The following ZNF219 variants were observed in gnomAD, a reference collection of about 807,000 sequenced individuals.
ZNF219 encodes the protein zinc finger protein 219.
In ZNF219, 17 loss-of-function variants were observed where a neutral mutation model predicts 54.4. That is an observed-to-expected ratio of 0.31 (90% CI 0.21 to 0.47). The LOEUF (loss-of-function observed/expected upper bound fraction) is 0.47, where lower values mean the gene tolerates loss of function less well. Among genes scored for constraint, ZNF219 ranks in the 20% least tolerant of loss-of-function variants. The pLI is 1.00. For missense variants in ZNF219, 1,014 were observed against 1,062.3 expected, an observed-to-expected ratio of 0.95 and a Z score of 0.63; for synonymous variants, 518 against 476.4, an observed-to-expected ratio of 1.09 and a Z score of -1.14.
chr14:21,098,834 C>G, upstream of ZNF219: 1 of 1,288,206 alleles, frequency 7.8e-7, no homozygotes, highest in Non-Finnish European at 1.0e-6. Flanking sequence ...GGCTCTGCCG[C>G]TCTTTCTGCC....
chr14:21,103,493 C>G (rs937424325), upstream of ZNF219: 3 of 574,858 alleles, frequency 5.2e-6, no homozygotes, highest in Non-Finnish European at 8.8e-6. Flanking sequence ...CTGTCACCTC[C>G]CCATACAGCT....
intron 1 of ZNF219, chr14:21,093,919 A>G (rs1889126458): frequency 2.2e-6 from 1 of 454,468 alleles, no homozygotes; most frequent in Admixed American, 3.4e-5. Context: ...ATGGTCCAGA[A>G]CAACCACAGC....
chr14:21,093,906 T>C (rs537554593), intron 1 of ZNF219: 4 of 488,644 alleles, frequency 8.2e-6, no homozygotes, highest in Admixed American at 6.6e-5. Context: ...ATATTTTAAA[T>C]GCATGGTCCA....
In ZNF219 at chr14:21,098,365, GCGGCGGGC is replaced by G; in HGVS notation, c.-145_-138del. 1 of 433,284 alleles carries G rather than the reference GCGGCGGGC, an allele frequency of 2.3e-6. No individual in the cohort carries two copies. The highest frequency in any genetic ancestry group is 3.0e-6 in the Non-Finnish European group (1 of 329,720). 26.8% of individuals were successfully genotyped at this position (433,284 alleles called of 1,614,324 possible). A position where few individuals can be genotyped will look rare whatever the true frequency, so the allele number is the denominator to read the frequency against. ...GCGGCGGCGGCGGCGGCGGCGGCGG[GCGGCGGGC>G]CGGCGGCGCGGGCGTCAGCGTTACG... On this transcript the variant is annotated 5_prime_UTR_variant, in exon 1 of 5. It removes the in-frame stop codon of an upstream open reading frame in the 5' UTR. Transcript: ENST00000360947.
At chr14:21,103,641 T>G (rs1889792879), upstream of ZNF219, 1 of 189,790 alleles carries the variant, frequency 5.3e-6, no homozygotes, top group African/African-American at 2.4e-5. Flanking sequence ...CCATCTCCTT[T>G]CTACTGTAGC....
chr14:21,103,050 A>G (rs919557252), upstream of ZNF219: 9 of 1,542,986 alleles, frequency 5.8e-6, no homozygotes, highest in Non-Finnish European at 7.9e-6. Context: ...AACAGGATAG[A>G]AAATTGGGCA....
chr14:21,090,775 C>T lies in ZNF219; in HGVS notation c.1930G>A (p.Ala644Thr). The T allele has an allele frequency of 6.3e-7, 1 of 1,599,590 alleles. No homozygotes were observed. Among genetic ancestry groups the T allele is most frequent in the Non-Finnish European group, 8.5e-7 (1 of 1,173,990 alleles). ...GPGGEAGPGGALHRCLFCPFA... is the reference protein window; with the variant it reads ...GPGGEAGPGGTLHRCLFCPFA... ...GGGCAGAAGAGGCAGCGGTGGAGGG[C>T]ACCCCCAGGCCCGGCCTCGCCTCCC... Residue 644 changes from alanine (A) to threonine (T), a missense_variant, in exon 5 of 5, where the codon GCC (alanine) becomes ACC (threonine). This residue lies in a region of ZNF219 where 281 missense variants were observed against 271.2 expected (regional missense o/e 1.04). Transcript: ENST00000360947. This position sits in a 1 kb window ranked among gnomAD's most constrained non-coding sequence, Gnocchi z 4.4.
At chr14:21,102,560 G>A (rs2139353199), upstream of ZNF219, 1 of 1,551,622 alleles carries the variant, frequency 6.4e-7, no homozygotes, top group African/African-American at 1.4e-5. Flanking sequence ...GGAGGCAAGA[G>A]GAGGTGGGAA....
upstream of ZNF219, chr14:21,103,467 T>C: frequency 1.4e-6 from 1 of 702,252 alleles, no homozygotes. Context: ...CTCCCTTGCA[T>C]CCATATCCTC....
In ZNF219 at chr14:21,092,918, C is replaced by T; in HGVS notation, c.379G>A (p.Ala127Thr). 1 of 1,560,494 alleles carries T rather than the reference C, an allele frequency of 6.4e-7. No homozygotes were observed. The highest frequency in any genetic ancestry group is 8.7e-7 in the Non-Finnish European group (1 of 1,154,942). ...CCCAGTCGGGCCTCGCGTAGTAGCG[C>T]GCGCTCTTCCAACTCCAGCAACAGG... ...ARLLLELEER[A>T]LLREARLGRA... The change falls in exon 3 of 5, where the codon GCG becomes ACG. Residue 127 changes from alanine (A) to threonine (T), a missense_variant. Ala to Thr is a moderately conservative substitution (Grantham distance 58). Coordinates refer to ENST00000360947, the MANE Select transcript of ZNF219 (RefSeq NM_016423.3).
chr14:21,099,384 A>G (rs1021495687), upstream of ZNF219, among the ~76,000 whole-genome samples: 10 of 152,210 alleles, frequency 6.6e-5, no homozygotes, highest in African/African-American at 2.2e-4. Context: ...TGCAAGCCCA[A>G]CATCTCACAT....
chr14:21,090,608 A>C lies in ZNF219; in HGVS notation c.2097T>G (p.Pro699=), dbSNP rs1888759780. ...RVPSGETPPS[P]SQEGEEGSGL... ...CGGAGCCCTCCTCCCCTTCCTGCGAAGGACTGGGAGGGGTCTCTCCTGATG... is the reference window on the plus strand; with the variant it reads ...CGGAGCCCTCCTCCCCTTCCTGCGACGGACTGGGAGGGGTCTCTCCTGATG... The change falls in exon 5 of 5, where the codon CCT becomes CCG. Residue 699 remains proline (P), a synonymous_variant. Transcript: ENST00000360947. The surrounding 1 kb of genome is among the most constrained non-coding windows in gnomAD (Gnocchi z 4.4). The C allele has an allele frequency of 6.2e-7, 1 of 1,610,702 alleles. No individual in the cohort carries two copies.
rs569399756 is a variant in ZNF219 at position 21,091,011 on chromosome 14, G to A, written c.1694C>T (p.Pro565Leu). Residue 565 changes from proline to leucine, a missense_variant, in exon 5 of 5, where the codon CCG becomes CTG. Physicochemically the swap from Pro to Leu is moderately conservative, Grantham distance 98. This residue lies in a region of ZNF219 where 281 missense variants were observed against 271.2 expected (regional missense o/e 1.04). Transcript: ENST00000360947. Reference sequence around the variant, plus strand: ...GGCCGAACCCCGCTGGGAAGGAGGCGGTGGCTCCGGGGGTGGCCCGGGGCC... The same window carrying A: ...GGCCGAACCCCGCTGGGAAGGAGGCAGTGGCTCCGGGGGTGGCCCGGGGCC... ...GAGPGPPPEPPPPSQRGSAPQ... is the reference protein window; with the variant it reads ...GAGPGPPPEPLPPSQRGSAPQ... 37 of 1,553,088 alleles carry A rather than the reference G, an allele frequency of 2.4e-5. No homozygotes were observed. In the South Asian group the frequency reaches 3.7e-4, roughly 16 times the overall value.
Position 21,091,436 on chromosome 14 carries a change from G to A in ZNF219, c.1539C>T (p.Leu513=). ...CGKSFRSAHH[L]KVHLRVHTGE... ...CTGTGTGCACTCGCAGATGCACTTT[G>A]AGGTGATGTGCTGAGCGGAAAGATT... Residue 513 remains leucine (L), a synonymous_variant, in exon 4 of 5, where the codon CTC becomes CTT. Coordinates refer to ENST00000360947, the MANE Select transcript of ZNF219 (RefSeq NM_016423.3). The A allele has an allele frequency of 6.2e-7, 1 of 1,605,692 alleles. No homozygotes were observed. The highest frequency in any genetic ancestry group is 8.5e-7 in the Non-Finnish European group (1 of 1,173,344).
chr14:21,097,574 TTGC>T (rs776615235), intron 1 of ZNF219, among the ~76,000 whole-genome samples: 6 of 151,984 alleles, frequency 3.9e-5, no homozygotes, highest in Non-Finnish European at 7.4e-5. Flanking sequence ...CAGAAATAGA[TTGC>T]TAAGTAGGGT....
At position 21,090,606 on chromosome 14, in the gene ZNF219, G is replaced by A. The variant is rs767856359; in HGVS notation, c.2099C>T (p.Ser700Leu). 23 of 1,610,686 alleles carry A rather than the reference G, an allele frequency of 1.4e-5. No homozygotes were observed. Among genetic ancestry groups the A allele is most frequent in the Non-Finnish European group, 1.9e-5 (22 of 1,178,484 alleles). Reference sequence around the variant, plus strand: ...CCCGGAGCCCTCCTCCCCTTCCTGCGAAGGACTGGGAGGGGTCTCTCCTGA... The same window carrying A: ...CCCGGAGCCCTCCTCCCCTTCCTGCAAAGGACTGGGAGGGGTCTCTCCTGA... Reference protein sequence around the residue: ...VPSGETPPSPSQEGEEGSGLS... With the variant: ...VPSGETPPSPLQEGEEGSGLS... The change falls in exon 5 of 5, where the codon TCG (serine) becomes TTG (leucine). Residue 700 changes from serine (S) to leucine (L), a missense_variant. By Grantham distance (145) the Ser-to-Leu change is moderately radical (BLOSUM62 -2). Around this residue, in one of 5 missense-constraint regions of ZNF219, gnomAD observed 281 missense variants for 271.2 expected, o/e 1.04. Coordinates refer to ENST00000360947, the MANE Select transcript of ZNF219 (RefSeq NM_016423.3). This position sits in a 1 kb window ranked among gnomAD's most constrained non-coding sequence, Gnocchi z 4.4.
chr14:21,102,020 C>T, upstream of ZNF219: 1 of 1,550,574 alleles, frequency 6.4e-7, no homozygotes, highest in Non-Finnish European at 8.7e-7. Context: ...AGGGCCCCTT[C>T]CTAACGGGAC....
At chr14:21,099,734 A>G (rs758185214), upstream of ZNF219, among the ~76,000 whole-genome samples, 5 of 152,230 alleles carry the variant, frequency 3.3e-5, no homozygotes, top group Non-Finnish European at 5.9e-5. Context: ...TCCATGCTGA[A>G]AGCAACCCCT....
In ZNF219 at chr14:21,092,072, GGCGGAAGCCTCCGAA is replaced by G. The variant is rs751641354; in HGVS notation, c.1210_1224del (p.Phe404_Arg408del). 16 of 1,538,738 alleles carry G rather than the reference GGCGGAAGCCTCCGAA, an allele frequency of 1.0e-5. No homozygotes were observed. In the South Asian group the frequency reaches 1.2e-4, roughly 12 times the overall value. The stretch of plus-strand genomic sequence containing the variant: ...CGGGCCGGGAGAGCAGAGGACAGCG[GGCGGAAGCCTCCGAA>G]GCTGCGGCCGGGACCGGGCTCAGCA... On this transcript the variant is annotated inframe_deletion, in exon 3 of 5. Transcript: ENST00000360947.
Sources: gnomAD v4.1 joint callset for allele counts (sites outside exome capture counted in the v4.1 genomes callset) on GRCh38, gnomAD v4.1.1 for gene constraint, gnomAD v4.1.1 regional missense constraint, Gnocchi (gnomAD v3.1) non-coding constraint, MANE v1.5 for transcripts, NCBI Gene and HGNC (gene_info 2026-07-23, HGNC 2026-07-21) for gene names.